The following ANKRD16 variants were observed in gnomAD, a reference collection of about 807,000 sequenced individuals.
ANKRD16 encodes the protein ankyrin repeat domain-containing protein 16.
A neutral mutation model predicts 37.9 loss-of-function variants in ANKRD16; 35 were observed. The ratio of observed to expected loss-of-function variants is 0.92; its 90% CI spans 0.71 to 1.23. The LOEUF (loss-of-function observed/expected upper bound fraction) is 1.23. Among genes scored for constraint, ANKRD16 ranks in the 50% most tolerant of loss-of-function variants. The pLI, the probability that ANKRD16 is intolerant of heterozygous loss-of-function variation, is 0.00. For synonymous variants in ANKRD16, 206 were observed against 197.2 expected, an observed-to-expected ratio of 1.04 and a Z score of -0.37; for missense variants, 480 against 469.9, an observed-to-expected ratio of 1.02 and a Z score of -0.20.
intron 7 of ANKRD16, among the ~76,000 whole-genome samples, chr10:5,875,816 G>A (rs1352328006): frequency 2.0e-5 from 3 of 151,066 alleles, no homozygotes; most frequent in Non-Finnish European, 2.9e-5. Flanking sequence ...AGATTCAAGC[G>A]ATTCTCCTGC....
At chr10:5,885,208 T>G (rs910392454) in intron 3 of ANKRD16, among the ~76,000 whole-genome samples, 1 of 151,764 alleles carries the variant, frequency 6.6e-6, no homozygotes, top group African/African-American at 2.4e-5. Flanking sequence ...TGAGACAGAG[T>G]CTTGCTCTGT....
chr10:5,887,930 AGAGGGT>A lies in ANKRD16; in HGVS notation c.446_451del (p.Asp149_Leu151delinsVal), dbSNP rs1842471667. The A allele has an allele frequency of 1.9e-6, 3 of 1,614,200 alleles. No homozygotes were observed. In the East Asian group the frequency reaches 6.7e-5, roughly 36 times the overall value. On this transcript the variant is annotated inframe_deletion, in exon 2 of 8. Coordinates refer to ENST00000380094, the MANE Select transcript of ANKRD16 (RefSeq NM_019046.3). ...AACAGTGAGCAGGTACTGGAGGATC[AGAGGGT>A]CGCCTTCTCGACTGGCAATGTGGAA...
At chr10:5,872,834 G>C (rs1220252572) in intron 7 of ANKRD16, among the ~76,000 whole-genome samples, 1 of 151,182 alleles carries the variant, frequency 6.6e-6, no homozygotes, top group African/African-American at 2.4e-5. Context: ...GGCATTACAG[G>C]CGTGAGCCAC....
chr10:5,885,826 G>T, intron 2 of ANKRD16, 61 bp from the exon 3 acceptor site: 1 of 1,536,958 alleles, frequency 6.5e-7, no homozygotes, highest in Non-Finnish European at 8.8e-7. Context: ...AATGCTTCCT[G>T]CCTCCTGGCT....
At chr10:5,884,122 C>G (rs773969780) in intron 3 of ANKRD16, 45 bp from the exon 4 acceptor site, 1 of 1,482,854 alleles carries the variant, frequency 6.7e-7, no homozygotes. Flanking sequence ...TTCAATACCT[C>G]AAACCCAGGG....
Position 5,862,558 on chromosome 10 carries a change from A to G in ANKRD16, c.*167T>C. The G allele has an allele frequency of 7.9e-7, 1 of 1,268,870 alleles. No individual in the cohort carries two copies. The highest frequency in any genetic ancestry group is 1.0e-6 in the Non-Finnish European group (1 of 971,626). The allele number at this position is 1,268,870 out of a possible 1,614,324, so 78.6% of individuals were successfully genotyped here. A position where few individuals can be genotyped will look rare whatever the true frequency, so the allele number is the denominator to read the frequency against. ...ACTTCACCACTGGTACACCTCAGAT[A>G]TACAACTTTGATCTCGCTGGGGTCA... On this transcript the variant is annotated 3_prime_UTR_variant, in exon 8 of 8. Transcript: ENST00000380094. The surrounding 1 kb of genome is among the most constrained non-coding windows in gnomAD (Gnocchi z 6.5).
rs1353171829 is a variant in ANKRD16 at position 5,870,006 on chromosome 10, C to A, written c.*34-7315G>T. 6.6e-6 allele frequency among the ~76,000 whole-genome samples: 1 copy of A among 151,972 alleles called. No individual in the cohort carries two copies. Among genetic ancestry groups the A allele is most frequent in the Non-Finnish European group, 1.5e-5 (1 of 67,992 alleles). ...TCTGCATTTTTCTTTTTTTCAGGAT[C>A]CCTAGGTTTGAAGGAATCTGCATTT... On this transcript the variant is annotated intron_variant, in intron 7 of 7. Coordinates refer to ENST00000380094, the MANE Select transcript of ANKRD16 (RefSeq NM_019046.3). This position sits in a 1 kb window ranked among gnomAD's most constrained non-coding sequence, Gnocchi z 5.0.
At chr10:5,884,895 T>C (rs760547392) in intron 3 of ANKRD16, among the ~76,000 whole-genome samples, 15 of 152,236 alleles carry the variant, frequency 9.9e-5, no homozygotes, top group Non-Finnish European at 1.5e-4. Flanking sequence ...GGTGCTGTTA[T>C]TGCTGTCTGG....
intron 4 of ANKRD16, 43 bp from the exon 5 acceptor site, chr10:5,883,210 A>C: frequency 6.3e-7 from 1 of 1,594,034 alleles, no homozygotes; most frequent in Non-Finnish European, 8.5e-7. Flanking sequence ...CAAAGATAAG[A>C]AACAGGGCAA....
rs146331477 is a variant in ANKRD16 at position 5,866,567 on chromosome 10, A to G, written c.*34-3876T>C. On this transcript the variant is annotated intron_variant, in intron 7 of 7. Coordinates refer to ENST00000380094, the MANE Select transcript of ANKRD16 (RefSeq NM_019046.3). The surrounding 1 kb of genome is among the most constrained non-coding windows in gnomAD (Gnocchi z 4.3). ...TCTAATCCTACATGCCCATGCTGCA[A>G]TATGGAAAGAAAGGGGGTTCCTAAC... 3.9e-5 allele frequency among the ~76,000 whole-genome samples: 6 copies of G among 152,362 alleles called. No individual in the cohort carries two copies. The highest frequency in any genetic ancestry group is 9.6e-5 in the African/African-American group (4 of 41,580).
chr10:5,868,881 T>G lies in ANKRD16; in HGVS notation c.*34-6190A>C, dbSNP rs1451112114. On this transcript the variant is annotated intron_variant, in intron 7 of 7. Transcript: ENST00000380094. This position sits in a 1 kb window ranked among gnomAD's most constrained non-coding sequence, Gnocchi z 4.9. The stretch of plus-strand genomic sequence containing the variant: ...TAACACTCACCGCAAGGTCTGTGGC[T>G]TCATTCTTGAAGTCAGCAAGACCAA... 6.6e-6 allele frequency among the ~76,000 whole-genome samples: 1 copy of G among 152,170 alleles called. No homozygotes were observed. Among genetic ancestry groups the G allele is most frequent in the Admixed American group, 6.5e-5 (1 of 15,272 alleles).
chr10:5,876,653 G>A (rs138436020), intron 7 of ANKRD16, among the ~76,000 whole-genome samples: 148 of 152,326 alleles, frequency 9.7e-4, no homozygotes, highest in African/African-American at 3.4e-3. Context: ...ACAGGAATCC[G>A]CTGATGCCAT....
Position 5,874,859 on chromosome 10 carries a change from G to C in ANKRD16, c.*33+3238C>G, listed in dbSNP as rs1355567388. ...AATGACGGAGATGCTGGAGACAGAAGCTGGTACGCATGAGCACGGAGGGCC... is the reference window on the plus strand; with the variant it reads ...AATGACGGAGATGCTGGAGACAGAACCTGGTACGCATGAGCACGGAGGGCC... On this transcript the variant is annotated intron_variant, in intron 7 of 7. Coordinates refer to ENST00000380094, the MANE Select transcript of ANKRD16 (RefSeq NM_019046.3). The surrounding 1 kb of genome is among the most constrained non-coding windows in gnomAD (Gnocchi z 4.7). 6.6e-6 allele frequency among the ~76,000 whole-genome samples: 1 copy of C among 152,150 alleles called. No individual in the cohort carries two copies. The highest frequency in any genetic ancestry group is 1.5e-5 in the Non-Finnish European group (1 of 68,032).
In ANKRD16 at chr10:5,889,046, G is replaced by T. The variant is rs1295537739; in HGVS notation, c.309C>A (p.Ala103=). The T allele has an allele frequency of 1.3e-6, 2 of 1,536,354 alleles. No homozygotes were observed. Among genetic ancestry groups the T allele is most frequent in the Non-Finnish European group, 1.7e-6 (2 of 1,147,520 alleles). ...RGAAVDCLKK[A]DWTPLMMACT... is the part of the protein sequence containing the mutation. ...TCTTTCCGCTCCACACCTACCAGTCGGCCTTCTTCAGGCAGTCGACCGCTG... is the reference window on the plus strand; with the variant it reads ...TCTTTCCGCTCCACACCTACCAGTCTGCCTTCTTCAGGCAGTCGACCGCTG... The change falls in exon 1 of 8, where the codon GCC becomes GCA. Residue 103 remains alanine (A), a synonymous_variant. Transcript: ENST00000380094.
intron 1 of ANKRD16, 109 bp downstream of exon 1, chr10:5,888,932 C>T (rs1564421640): frequency 8.0e-7 from 1 of 1,243,850 alleles, no homozygotes; most frequent in East Asian, 2.8e-5. Flanking sequence ...GGGGTGAGAA[C>T]TAGGAGCTGA....
At position 5,887,708 on chromosome 10, in the gene ANKRD16, C is replaced by CCCCCCCCCCCCG. The variant is rs1433532977; in HGVS notation, c.535+138_535+139insCGGGGGGGGGGG. 17 of 194,164 alleles carry CCCCCCCCCCCCG rather than the reference C, an allele frequency of 8.8e-5. 1 individual carries two copies. The highest frequency in any genetic ancestry group is 1.2e-4 in the Non-Finnish European group (12 of 97,232). The allele number at this position is 194,164 out of a possible 1,614,324, so 12.0% of individuals were successfully genotyped here. Reference sequence around the variant, plus strand: ...GCCCCCGCCCCCACCCCCTCCCCCCCAGATGTTCTTATTCTCTGCCTTCTG... The same window carrying CCCCCCCCCCCCG: ...GCCCCCGCCCCCACCCCCTCCCCCCCCCCCCCCCCCCGAGATGTTCTTATTCTCTGCCTTCTG... On this transcript the variant is annotated intron_variant, in intron 2 of 7. Transcript: ENST00000380094.
chr10:5,865,970 A>C lies in ANKRD16; in HGVS notation c.*34-3279T>G, dbSNP rs1842008265. Among the ~76,000 whole-genome samples, 1 of 152,216 alleles carries C rather than the reference A, an allele frequency of 6.6e-6. No individual in the cohort carries two copies. The highest frequency in any genetic ancestry group is 1.5e-5 in the Non-Finnish European group (1 of 68,026). Reference sequence around the variant, plus strand: ...CAACCAGTGGCATACCTAAGTAAGGAAACTGATATAGTAGCAAAAGGCTGG... The same window carrying C: ...CAACCAGTGGCATACCTAAGTAAGGCAACTGATATAGTAGCAAAAGGCTGG... On this transcript the variant is annotated intron_variant, in intron 7 of 7. Coordinates refer to ENST00000380094, the MANE Select transcript of ANKRD16 (RefSeq NM_019046.3). The surrounding 1 kb of genome is among the most constrained non-coding windows in gnomAD (Gnocchi z 4.7).
intron 7 of ANKRD16, among the ~76,000 whole-genome samples, chr10:5,873,289 CAA>C (rs1842133545): frequency 1.3e-5 from 2 of 152,114 alleles, no homozygotes; most frequent in African/African-American, 4.8e-5. Flanking sequence ...CTCGGCCTCC[CAA>C]AGTGCTGGGA....
chr10:5,878,150 C>T lies in ANKRD16; in HGVS notation c.1066G>A (p.Gly356Ser), dbSNP rs371947116. Residue 356 changes from glycine to serine, a missense_variant, in exon 7 of 8, where the codon GGC becomes AGC. Gly to Ser is a moderately conservative substitution (Grantham distance 56). Transcript: ENST00000380094. This position sits in a 1 kb window ranked among gnomAD's most constrained non-coding sequence, Gnocchi z 5.1. ...CATCCTTATGTCATTGCGCTATGGC[C>T]AGAGCCCTGAAGGACATCTGCTCTC... ...PRRADVLQGS[G>S]HSAMT is the part of the protein sequence containing the mutation. 62 of 1,613,998 alleles carry T rather than the reference C, an allele frequency of 3.8e-5. No homozygotes were observed. The highest frequency in any genetic ancestry group is 5.1e-5 in the Non-Finnish European group (60 of 1,180,002).
Sources: allele counts gnomAD v4.1 joint callset (sites outside exome capture counted in the v4.1 genomes callset), GRCh38; gene constraint gnomAD v4.1.1; non-coding constraint Gnocchi (gnomAD v3.1); transcripts MANE v1.5; gene names NCBI Gene and HGNC (gene_info 2026-07-23, HGNC 2026-07-21).